The following PTBP3 variants were observed in gnomAD, a reference collection of about 807,000 sequenced individuals.
PTBP3 encodes the protein polypyrimidine tract binding protein 3.
In PTBP3, 20 loss-of-function variants were observed where a neutral mutation model predicts 58.7. That is an observed-to-expected ratio of 0.34 (90% CI 0.24 to 0.50). The LOEUF (loss-of-function observed/expected upper bound fraction) is 0.50. PTBP3 is among the 20% of genes least tolerant of loss of function. The pLI is 0.98. For missense variants in PTBP3, 509 were observed against 637.2 expected (o/e 0.80, Z 2.17); for synonymous variants, 185 against 219.8 (o/e 0.84, Z 1.40).
intron 1 of PTBP3, among the ~76,000 whole-genome samples, chr9:112,320,844 C>T (rs1457843582): frequency 6.6e-6 from 1 of 152,140 alleles, no homozygotes; most frequent in Non-Finnish European, 1.5e-5. Flanking sequence ...TGTTTACTCA[C>T]GCCATACACA....
At chr9:112,225,795 G>A (rs1379484012) in intron 12 of PTBP3, among the ~76,000 whole-genome samples, 1 of 152,112 alleles carries the variant, frequency 6.6e-6, no homozygotes, top group Non-Finnish European at 1.5e-5. Flanking sequence ...AGTCGTTCAC[G>A]TCTCTAATCC....
In PTBP3 at chr9:112,284,462, G is replaced by A. The variant is rs184010969; in HGVS notation, c.35-8449C>T. Among the ~76,000 whole-genome samples the A allele has an allele frequency of 2.7e-4, 41 of 152,256 alleles. No individual in the cohort carries two copies. The East Asian group carries it at 3.5e-3, about 13-fold the overall frequency. On this transcript the variant is annotated intron_variant, in intron 2 of 13. Coordinates refer to ENST00000374257, the MANE Select transcript of PTBP3 (RefSeq NM_001163788.4). Reference sequence around the variant, plus strand: ...TATAATCTCAGCACTTGGGGAAGCCGAGGCAGGCAGATCACTTGAGGCTGG... The same window carrying A: ...TATAATCTCAGCACTTGGGGAAGCCAAGGCAGGCAGATCACTTGAGGCTGG...
Position 112,306,604 on chromosome 9 carries a change from A to ATT in PTBP3, c.-51-8690_-51-8689dup, listed in dbSNP as rs1554802909. 9.5e-3 allele frequency among the ~76,000 whole-genome samples: 990 copies of ATT among 103,998 alleles called. 16 individuals are homozygous for ATT. Among genetic ancestry groups the ATT allele is most frequent in the African/African-American group, 0.064 (935 of 14,644 alleles). The allele number at this position is 103,998 out of a possible 152,430, so 68.2% of individuals were successfully genotyped here. A position where few individuals can be genotyped will look rare whatever the true frequency, so the allele number is the denominator to read the frequency against. ...TAAATTTGTATATATATATATATAT[A>ATT]TTTTTGTTTGTTTGTTTGTTTGTTT... On this transcript the variant is annotated intron_variant, in intron 1 of 13. Transcript: ENST00000374257.
At chr9:112,266,745 A>T (rs182126106) in intron 4 of PTBP3, among the ~76,000 whole-genome samples, 1 of 152,358 alleles carries the variant, frequency 6.6e-6, no homozygotes, top group African/African-American at 2.4e-5. Flanking sequence ...AAAATTAGAT[A>T]TATAGACATC....
At position 112,275,892 on chromosome 9, in the gene PTBP3, T is replaced by G; in HGVS notation, c.156A>C (p.Leu52=). 1 of 1,614,000 alleles carries G rather than the reference T, an allele frequency of 6.2e-7. No individual in the cohort carries two copies. The highest frequency in any genetic ancestry group is 2.2e-5 in the East Asian group (1 of 44,874). ...VTEAEIISLG[L]PFGKVTNLLM... ...AAAGATTAGTTACTTTGCCAAATGG[T>G]AGACCTAATGATATGATCTCTGCTT... The change falls in exon 3 of 14, where the codon CTA becomes CTC. Residue 52 remains leucine (L), a synonymous_variant. Coordinates refer to ENST00000374257, the MANE Select transcript of PTBP3 (RefSeq NM_001163788.4).
chr9:112,294,646 T>A (rs559785166), intron 2 of PTBP3, among the ~76,000 whole-genome samples: 13 of 152,334 alleles, frequency 8.5e-5, no homozygotes, highest in Admixed American at 2.6e-4. Flanking sequence ...TTCAACTCAT[T>A]TATGGAGGTT....
intron 2 of PTBP3, among the ~76,000 whole-genome samples, chr9:112,291,824 T>G (rs929741730): frequency 6.6e-6 from 1 of 152,148 alleles, no homozygotes; most frequent in Non-Finnish European, 1.5e-5. Flanking sequence ...TTCTTGGATA[T>G]AACACCAAAT....
chr9:112,355,348 C>T, the PTBP3 span, among the ~76,000 whole-genome samples: 27 of 152,276 alleles, frequency 1.8e-4, no homozygotes, highest in African/African-American at 6.3e-4. Flanking sequence ...TGCTCAAGGC[C>T]TTTGCGATGG....
intron 2 of PTBP3, among the ~76,000 whole-genome samples, chr9:112,283,381 G>A (rs1219978432): frequency 6.6e-6 from 1 of 152,148 alleles, no homozygotes; most frequent in African/African-American, 2.4e-5. Flanking sequence ...TCCAGGCTGA[G>A]GTAGTCTCAG....
intron 5 of PTBP3, among the ~76,000 whole-genome samples, chr9:112,254,214 G>C (rs1025801832): frequency 2.6e-5 from 4 of 152,032 alleles, no homozygotes; most frequent in South Asian, 2.1e-4. Context: ...TCAAACTCCT[G>C]AGCTCAAGTT....
At chr9:112,359,710 G>A in the PTBP3 span, among the ~76,000 whole-genome samples, 1 of 152,138 alleles carries the variant, frequency 6.6e-6, no homozygotes, top group Non-Finnish European at 1.5e-5. Context: ...GGCTGAGGCA[G>A]AAGAATCACT....
intron 1 of PTBP3, among the ~76,000 whole-genome samples, chr9:112,329,833 G>C (rs1307328105): frequency 6.9e-6 from 1 of 144,388 alleles, no homozygotes; most frequent in African/African-American, 2.6e-5. Flanking sequence ...ATAAATCAGA[G>C]CCTAGGCTAC....
intron 1 of PTBP3, chr9:112,330,571 T>C (rs1227449468): frequency 1.4e-6 from 1 of 712,546 alleles, no homozygotes; most frequent in Non-Finnish European, 2.3e-6. Flanking sequence ...AAAAGCATTA[T>C]AATAACAAAT....
chr9:112,316,317 G>C (rs1207508022), intron 1 of PTBP3, among the ~76,000 whole-genome samples: 2 of 152,182 alleles, frequency 1.3e-5, no homozygotes, highest in African/African-American at 4.8e-5. Context: ...GGTTTCAAAA[G>C]ACTTTTACCT....
At chr9:112,321,515 T>G in intron 1 of PTBP3, among the ~76,000 whole-genome samples, 1 of 121,582 alleles carries the variant, frequency 8.2e-6, no homozygotes, top group African/African-American at 3.4e-5. Flanking sequence ...GGCAACAGAG[T>G]GAGACGTAGT....
At chr9:112,376,244 T>G in the PTBP3 span, among the ~76,000 whole-genome samples, 2 of 122,542 alleles carry the variant, frequency 1.6e-5, no homozygotes, top group Non-Finnish European at 3.2e-5. Context: ...TGTAGGGGAG[T>G]TTATTAAGTT....
At chr9:112,252,828 G>A (rs1173131188) in intron 5 of PTBP3, 40 bp from the exon 6 acceptor site, 1 of 1,106,500 alleles carries the variant, frequency 9.0e-7, no homozygotes, top group Non-Finnish European at 1.4e-6. Context: ...TAAAAGAAAA[G>A]TATTAAACTG....
At chr9:112,265,228 T>C (rs1969945) in intron 4 of PTBP3, among the ~76,000 whole-genome samples, 128,991 of 152,112 alleles carry the variant, frequency 0.85, 55,119 homozygotes, top group African/African-American at 0.95. Context: ...AGGAGCCGGG[T>C]GCAGTGGCTC....
At chr9:112,261,778 A>G (rs1374248020) in intron 5 of PTBP3, among the ~76,000 whole-genome samples, 1 of 152,244 alleles carries the variant, frequency 6.6e-6, no homozygotes, top group East Asian at 1.9e-4. Context: ...AAAACATGGG[A>G]AATTACATCA....
Sources: allele counts gnomAD v4.1 joint callset (sites outside exome capture counted in the v4.1 genomes callset), GRCh38; gene constraint gnomAD v4.1.1; transcripts MANE v1.5; gene names NCBI Gene and HGNC (gene_info 2026-07-23, HGNC 2026-07-21).